Variants in RAD54L2 observed in about 807,000 individuals in gnomAD.
RAD54L2 encodes the protein helicase ARIP4.
A neutral mutation model predicts 138.4 loss-of-function variants in RAD54L2; 27 were observed. That is an observed-to-expected ratio of 0.20 (90% confidence interval 0.14 to 0.27). The LOEUF is 0.27. Ranked by LOEUF, RAD54L2 falls within the 10% of genes least tolerant of loss-of-function variation. The pLI is 1.00. For missense variants in RAD54L2, 1,396 were observed against 1,890.2 expected (o/e 0.74, Z 4.85); for synonymous variants, 644 against 723.2 (o/e 0.89, Z 1.76).
chr3:51,573,619 G>T (rs554086252), intron 2 of RAD54L2, among the ~76,000 whole-genome samples: 1 of 152,094 alleles, frequency 6.6e-6, no homozygotes, highest in South Asian at 2.1e-4. Context: ...CTATAGGTGC[G>T]CCACCACGCC....
Position 51,635,860 on chromosome 3 carries a change from C to T in RAD54L2, c.1339+71C>T, listed in dbSNP as rs1446551334. ...AAAGAAATCATGTCTACTAATAGCA[C>T]CTAGTCAGATGTAAAGTGCATTATT... On this transcript the variant is annotated intron_variant, in intron 10 of 22. Transcript: ENST00000684192. 8 of 1,410,826 alleles carry T rather than the reference C, an allele frequency of 5.7e-6. No homozygotes were observed. The East Asian group carries it at 1.5e-4, about 26-fold the overall frequency. The allele number at this position is 1,410,826 out of a possible 1,614,324, so 87.4% of individuals were successfully genotyped here. A position where few individuals can be genotyped will look rare whatever the true frequency, so the allele number is the denominator to read the frequency against.
intron 2 of RAD54L2, among the ~76,000 whole-genome samples, chr3:51,586,103 A>G (rs946981962): frequency 2.6e-5 from 4 of 151,936 alleles, no homozygotes; most frequent in African/African-American, 9.7e-5. Context: ...CTGAAAGGCT[A>G]TGCCCACATA....
chr3:51,583,450 G>A (rs1231168590), intron 2 of RAD54L2, among the ~76,000 whole-genome samples: 3 of 147,070 alleles, frequency 2.0e-5, no homozygotes, highest in Non-Finnish European at 4.5e-5. Flanking sequence ...TTTGAGTCTC[G>A]CTCTTCTTGC....
rs985844682 is a variant in RAD54L2, at chr3:51,639,035, G to T, written c.1861-384G>T. ...TACTCTGTGAAATGATATGTGATTG[G>T]TCTACTATAAGTCAGATACATTTTG... On this transcript the variant is annotated intron_variant, in intron 12 of 22. Coordinates refer to ENST00000684192, the MANE Select transcript of RAD54L2 (RefSeq NM_015106.4). 3.0e-5 allele frequency: 6 copies of T among 202,686 alleles called. No individual in the cohort carries two copies. The East Asian group carries it at 7.7e-4, about 26-fold the overall frequency. The allele number at this position is 202,686 out of a possible 1,614,324, so 12.6% of individuals were successfully genotyped here.
chr3:51,602,294 A>G (rs1270755156), intron 3 of RAD54L2, among the ~76,000 whole-genome samples: 1 of 152,126 alleles, frequency 6.6e-6, no homozygotes, highest in Non-Finnish European at 1.5e-5. Context: ...TATCCACATC[A>G]TGGGGAAAAA....
chr3:51,569,245 C>G (rs1699283249), intron 2 of RAD54L2, among the ~76,000 whole-genome samples: 1 of 152,112 alleles, frequency 6.6e-6, no homozygotes, highest in Non-Finnish European at 1.5e-5. Context: ...AGCTGCATGC[C>G]AAGTCACTCA....
chr3:51,654,664 G>T (rs913797899), intron 19 of RAD54L2, among the ~76,000 whole-genome samples: 1 of 151,136 alleles, frequency 6.6e-6, no homozygotes, highest in African/African-American at 2.4e-5. Context: ...GGGCTTTTCT[G>T]TGTAACCTCA....
chr3:51,594,359 C>A (rs1699909396), intron 3 of RAD54L2, among the ~76,000 whole-genome samples: 1 of 152,158 alleles, frequency 6.6e-6, no homozygotes, highest in Non-Finnish European at 1.5e-5. Flanking sequence ...AGGCATGAAC[C>A]ACTGTGCCCG....
At position 51,656,028 on chromosome 3, in the gene RAD54L2, C is replaced by T. The variant is rs187794019; in HGVS notation, c.3084C>T (p.Ser1028=). 4.0e-5 allele frequency: 65 copies of T among 1,613,940 alleles called. 1 individual carries two copies. In the East Asian group the frequency reaches 1.3e-3, roughly 33 times the overall value. Residue 1028 remains serine, a synonymous_variant, in exon 20 of 23, where the codon TCC becomes TCT. Transcript: ENST00000684192. The part of the protein sequence containing the change: ...KPVASVRPVQ[S]TPIPMMPRHV... The stretch of plus-strand genomic sequence containing the variant: ...TGGCCAGTGTTCGTCCTGTGCAGTC[C>T]ACCCCCATCCCCATGATGCCCCGGC...
At chr3:51,625,712 A>T (rs1482374809) in intron 3 of RAD54L2, among the ~76,000 whole-genome samples, 3 of 151,960 alleles carry the variant, frequency 2.0e-5, no homozygotes, top group Non-Finnish European at 4.4e-5. Context: ...GAAAAAAAAA[A>T]TTAGCTGGGT....
chr3:51,595,415 G>A (rs557312997), intron 3 of RAD54L2, among the ~76,000 whole-genome samples: 1 of 152,314 alleles, frequency 6.6e-6, no homozygotes, highest in East Asian at 1.9e-4. Context: ...GCAGATTGAA[G>A]AGGGATGGGT....
Position 51,662,677 on chromosome 3 carries a change from G to A in RAD54L2, c.3661G>A (p.Gly1221Arg), listed in dbSNP as rs766428518. 44 of 1,613,644 alleles carry A rather than the reference G, an allele frequency of 2.7e-5. 1 individual carries two copies. The highest frequency in any genetic ancestry group is 2.7e-5 in the African/African-American group (2 of 74,918). Reference sequence around the variant, plus strand: ...CAGTGCTGTTCCCGGGACAGCTCTCGGAACTGAGCCTCGACTAGGGGGTCA... The same window carrying A: ...CAGTGCTGTTCCCGGGACAGCTCTCAGAACTGAGCCTCGACTAGGGGGTCA... Reference protein sequence around the residue: ...DSSAVPGTALGTEPRLGGHCL... With the variant: ...DSSAVPGTALRTEPRLGGHCL... The change falls in exon 23 of 23, where the codon GGA (glycine) becomes AGA (arginine). Residue 1221 changes from glycine (G) to arginine (R), a missense_variant. Physicochemically the swap from Gly to Arg is moderately radical, Grantham distance 125 (BLOSUM62 -2). This residue lies in a region of RAD54L2 where 634 missense variants were observed against 711.2 expected (regional missense o/e 0.89). Transcript: ENST00000684192. This position sits in a 1 kb window ranked among gnomAD's most constrained non-coding sequence, Gnocchi z 4.6.
rs1364090479 is a variant in RAD54L2 at position 51,635,593 on chromosome 3, G to A, written c.1143G>A (p.Lys381=). ...ACAATTTTCTCTGTTCATCTTGCAG[G>A]ACGATGGCATCTCGTGCTAAAGTGA... is the stretch of plus-strand genomic sequence containing the variant. ...FKVHILNDEH[K]TMASRAKVMA... Residue 381 remains lysine (K), a splice_region_variant and synonymous_variant, in exon 10 of 23, where the codon AAG becomes AAA. Transcript: ENST00000684192. The A allele has an allele frequency of 1.3e-6, 2 of 1,599,628 alleles. No homozygotes were observed. Among genetic ancestry groups the A allele is most frequent in the South Asian group, 2.3e-5 (2 of 88,728 alleles).
intron 2 of RAD54L2, among the ~76,000 whole-genome samples, chr3:51,558,692 A>G (rs1394171957): frequency 6.6e-6 from 1 of 152,104 alleles, no homozygotes; most frequent in Admixed American, 6.6e-5. Flanking sequence ...GCTGGTCTTG[A>G]ACTCCTGGGC....
chr3:51,630,418 TC>T, intron 6 of RAD54L2, 30 bp downstream of exon 6: 1 of 1,570,836 alleles, frequency 6.4e-7, no homozygotes. Context: ...CTCCCTTTCT[TC>T]CGACCTGGTG....
At chr3:51,653,863 A>G (rs1293217265) in intron 19 of RAD54L2, among the ~76,000 whole-genome samples, 1 of 152,142 alleles carries the variant, frequency 6.6e-6, no homozygotes, top group Admixed American at 6.5e-5. Flanking sequence ...GCATACCAAC[A>G]TGGCACATGT....
chr3:51,599,899 T>C (rs1270487185), intron 3 of RAD54L2, among the ~76,000 whole-genome samples: 8 of 151,974 alleles, frequency 5.3e-5, no homozygotes, highest in Non-Finnish European at 8.8e-5. Flanking sequence ...ATTACAGGCA[T>C]GAGCTACTGT....
chr3:51,662,566 G>A lies in RAD54L2; in HGVS notation c.3550G>A (p.Asp1184Asn). The A allele has an allele frequency of 6.2e-7, 1 of 1,613,870 alleles. No individual in the cohort carries two copies. Among genetic ancestry groups the A allele is most frequent in the Non-Finnish European group, 8.5e-7 (1 of 1,179,860 alleles). ...EIISELQQYA[D>N]VAAARESRQS... ...CATCAGTGAGCTTCAGCAGTATGCA[G>A]ATGTGGCTGCTGCCCGGGAATCCCG... Residue 1184 changes from aspartate (D) to asparagine (N), a missense_variant, in exon 23 of 23, where the codon GAT (aspartate) becomes AAT (asparagine). Physicochemically the swap from Asp to Asn is conservative, Grantham distance 23. This residue lies in a region of RAD54L2 where 634 missense variants were observed against 711.2 expected (regional missense o/e 0.89). Coordinates refer to ENST00000684192, the MANE Select transcript of RAD54L2 (RefSeq NM_015106.4). This position sits in a 1 kb window ranked among gnomAD's most constrained non-coding sequence, Gnocchi z 4.6.
At position 51,590,509 on chromosome 3, in the gene RAD54L2, A is replaced by C; in HGVS notation, c.89A>C (p.Glu30Ala). ...EDAEEEEEEE[E>A]VAVEECDRDD... ...GCGGAAGAGGAGGAGGAGGAGGAGG[A>C]GGTGGCAGTGGAGGAGTGTGACAGG... The change falls in exon 3 of 23, where the codon GAG (glutamate) becomes GCG (alanine). Residue 30 changes from glutamate (E) to alanine (A), a missense_variant. By Grantham distance (107) the Glu-to-Ala change is moderately radical. Around this residue, in one of 7 missense-constraint regions of RAD54L2, gnomAD observed 256 missense variants for 344.6 expected, o/e 0.74. Coordinates refer to ENST00000684192, the MANE Select transcript of RAD54L2 (RefSeq NM_015106.4). 1 of 1,551,508 alleles carries C rather than the reference A, an allele frequency of 6.4e-7. No homozygotes were observed.
Sources: gnomAD v4.1 joint callset for allele counts (sites outside exome capture counted in the v4.1 genomes callset) on GRCh38, gnomAD v4.1.1 for gene constraint, gnomAD v4.1.1 regional missense constraint, Gnocchi (gnomAD v3.1) non-coding constraint, MANE v1.5 for transcripts, NCBI Gene and HGNC (gene_info 2026-07-23, HGNC 2026-07-21) for gene names.